Variants in SNAP47 observed in about 807,000 individuals in gnomAD.
SNAP47 encodes the protein synaptosomal-associated protein 47.
A neutral mutation model predicts 31.4 loss-of-function variants in SNAP47; 20 were observed. The observed-to-expected ratio is 0.64, with a 90% CI of 0.45 to 0.93. The LOEUF is 0.93. Ranked by LOEUF, SNAP47 falls within the 40% of genes least tolerant of loss-of-function variation. The pLI, the probability that SNAP47 is intolerant of heterozygous loss-of-function variation, is 0.00. For synonymous variants in SNAP47, 194 were observed against 213.4 expected (o/e 0.91, Z 0.79); for missense variants, 492 against 528.5 (o/e 0.93, Z 0.68).
chr1:227,740,073 G>A (rs1050757253), intron 1 of SNAP47, among the ~76,000 whole-genome samples: 3 of 152,244 alleles, frequency 2.0e-5, no homozygotes, highest in Admixed American at 2.0e-4. Context: ...TCCCATGATA[G>A]TGCCTTCTGT....
chr1:227,737,843 T>A (rs1275345017), intron 1 of SNAP47, among the ~76,000 whole-genome samples: 1 of 152,096 alleles, frequency 6.6e-6, no homozygotes, highest in African/African-American at 2.4e-5. Flanking sequence ...CGTGCTATGG[T>A]CCCTTCCTAG....
chr1:227,780,736 G>A lies in SNAP47; in HGVS notation c.*63G>A, dbSNP rs374659041. On this transcript the variant is annotated 3_prime_UTR_variant, in exon 5 of 5. Transcript: ENST00000617596. The stretch of plus-strand genomic sequence containing the variant: ...ATCCCGCTGAGATGGAGGGCTGGGC[G>A]GCAGTGCCAGGGCTGCAGAGGCCTG... The A allele has an allele frequency of 2.9e-5, 46 of 1,600,002 alleles. No individual in the cohort carries two copies. Among genetic ancestry groups the A allele is most frequent in the South Asian group, 1.3e-4 (12 of 89,280 alleles).
rs943855487 is a variant in SNAP47, at chr1:227,759,365, G to A, written c.868G>A (p.Val290Ile). ...TTTGATATCTGCCAAGATGCCAGAG[G>A]TTATCCCCATTTTAGAAGTGCAGTT... ...YRLISAKMPEVIPILEVQFSK... is the reference protein window; with the variant it reads ...YRLISAKMPEIIPILEVQFSK... Residue 290 changes from valine to isoleucine, a missense_variant, in exon 3 of 5, where the codon GTT (valine) becomes ATT (isoleucine). Val to Ile is a conservative substitution (Grantham distance 29). Coordinates refer to ENST00000617596, the MANE Select transcript of SNAP47 (RefSeq NM_053052.4). 1.2e-6 allele frequency: 2 copies of A among 1,614,106 alleles called. No individual in the cohort carries two copies. Among genetic ancestry groups the A allele is most frequent in the African/African-American group, 2.7e-5 (2 of 74,936 alleles).
intron 2 of SNAP47, among the ~76,000 whole-genome samples, chr1:227,750,735 G>A (rs1283980532): frequency 6.6e-6 from 1 of 152,224 alleles, no homozygotes; most frequent in Non-Finnish European, 1.5e-5. Context: ...GGTCCTGGAG[G>A]GGAGGCTGTG....
upstream of SNAP47, chr1:227,735,030 G>A: frequency 6.4e-7 from 1 of 1,551,322 alleles, no homozygotes; most frequent in Non-Finnish European, 8.7e-7. Context: ...CGTAGCAGGT[G>A]GTCGAAGTCG....
At chr1:227,776,793 T>A in intron 4 of SNAP47, 6 of 985,502 alleles carry the variant, frequency 6.1e-6, no homozygotes, top group Non-Finnish European at 7.2e-6. Context: ...GTTTTTGCAC[T>A]ATTAATTAAC....
chr1:227,768,441 A>T, intron 4 of SNAP47: 5 of 470,230 alleles, frequency 1.1e-5, no homozygotes, highest in Non-Finnish European at 1.4e-5. Flanking sequence ...CATGTCCACC[A>T]GGAGGTGGAT....
At chr1:227,760,199 G>A (rs1662974899) in intron 3 of SNAP47, among the ~76,000 whole-genome samples, 1 of 152,244 alleles carries the variant, frequency 6.6e-6, no homozygotes, top group Non-Finnish European at 1.5e-5. Flanking sequence ...GGAAGCTCCT[G>A]CTGTTGTCTC....
chr1:227,762,275 G>A lies in SNAP47; in HGVS notation c.988+2790G>A, dbSNP rs1663110659. 6.6e-6 allele frequency among the ~76,000 whole-genome samples: 1 copy of A among 152,204 alleles called. No individual in the cohort carries two copies. The highest frequency in any genetic ancestry group is 2.4e-5 in the African/African-American group (1 of 41,450). On this transcript the variant is annotated intron_variant, in intron 3 of 4. Transcript: ENST00000617596. The surrounding 1 kb of genome is among the most constrained non-coding windows in gnomAD (Gnocchi z 4.2). ...GTCCAGGTAAGTGCTGGTCTCATGG[G>A]GGCAGCTGTGCCTCCAGAGGGTGTT... is the stretch of plus-strand genomic sequence containing the variant.
chr1:227,767,616 G>T (rs1271088205), intron 4 of SNAP47, among the ~76,000 whole-genome samples: 4 of 152,042 alleles, frequency 2.6e-5, no homozygotes, highest in Non-Finnish European at 5.9e-5. Context: ...TGTGTTGCAT[G>T]TACTATGCAT....
In SNAP47 at chr1:227,748,160, C is replaced by T. The variant is rs745789194; in HGVS notation, c.424C>T (p.His142Tyr). 2 of 1,613,100 alleles carry T rather than the reference C, an allele frequency of 1.2e-6. No homozygotes were observed. Among genetic ancestry groups the T allele is most frequent in the East Asian group, 4.5e-5 (2 of 44,860 alleles). The change falls in exon 2 of 5, where the codon CAC becomes TAC. Residue 142 changes from histidine to tyrosine, a missense_variant. Transcript: ENST00000617596. ...GGAGGACACGGCGAGGGTCCTGCAC[C>T]ACCAGGGCCAGCAGCTGGACAGCGT... is the stretch of plus-strand genomic sequence containing the variant. ...RLEDTARVLH[H>Y]QGQQLDSVMR... is the part of the protein sequence containing the mutation.
At chr1:227,735,866 C>G (rs1661105168) in intron 1 of SNAP47, 1 of 343,624 alleles carries the variant, frequency 2.9e-6, no homozygotes. Flanking sequence ...CTGGAGGGGA[C>G]GGTGGGACCT....
At chr1:227,729,052 G>A (rs999714303) in intron 1 of SNAP47, among the ~76,000 whole-genome samples, 2 of 152,260 alleles carry the variant, frequency 1.3e-5, no homozygotes, top group Non-Finnish European at 2.9e-5. Context: ...CCCAGGTGGG[G>A]TCTATCTGGG....
At position 227,763,322 on chromosome 1, in the gene SNAP47, G is replaced by C; in HGVS notation, c.989-3637G>C. ...TTGTCACTCACTGCCTGTCTTGGGG[G>C]TAAGGCCTGCCTGGGCTTCCAGCTC... is the stretch of plus-strand genomic sequence containing the variant. On this transcript the variant is annotated intron_variant, in intron 3 of 4. Transcript: ENST00000617596. This position sits in a 1 kb window ranked among gnomAD's most constrained non-coding sequence, Gnocchi z 4.2. Among the ~76,000 whole-genome samples the C allele has an allele frequency of 6.6e-6, 1 of 152,146 alleles. No homozygotes were observed. Among genetic ancestry groups the C allele is most frequent in the East Asian group, 1.9e-4 (1 of 5,190 alleles).
At chr1:227,771,932 G>A (rs1263729376) in intron 4 of SNAP47, among the ~76,000 whole-genome samples, 4 of 152,120 alleles carry the variant, frequency 2.6e-5, no homozygotes, top group African/African-American at 4.8e-5. Context: ...GCTGAGGGCC[G>A]GAGGCCAGCA....
chr1:227,733,931 A>T, upstream of SNAP47: 1 of 1,613,874 alleles, frequency 6.2e-7, no homozygotes, highest in Non-Finnish European at 8.5e-7. Context: ...CCCCGCGTAG[A>T]CAAAGCGGTA....
At chr1:227,766,927 A>T (rs778864535) in intron 3 of SNAP47, 32 bp from the exon 4 acceptor site, 33 of 1,611,166 alleles carry the variant, frequency 2.0e-5, no homozygotes, top group Non-Finnish European at 2.7e-5. Context: ...ACTCCGAGAG[A>T]TGTCACTGCT....
intron 4 of SNAP47, among the ~76,000 whole-genome samples, chr1:227,772,663 C>T (rs974038050): frequency 1.3e-5 from 2 of 152,126 alleles, no homozygotes; most frequent in Non-Finnish European, 2.9e-5. Flanking sequence ...AGCTTTACCC[C>T]CATGTTTTCT....
intron 4 of SNAP47, among the ~76,000 whole-genome samples, chr1:227,771,887 G>A (rs1327649802): frequency 6.6e-6 from 1 of 152,178 alleles, no homozygotes; most frequent in Non-Finnish European, 1.5e-5. Flanking sequence ...AACTACCGGT[G>A]CAAAGGGCCT....
Sources: allele counts gnomAD v4.1 joint callset (sites outside exome capture counted in the v4.1 genomes callset), GRCh38; gene constraint gnomAD v4.1.1; non-coding constraint Gnocchi (gnomAD v3.1); transcripts MANE v1.5; gene names NCBI Gene and HGNC (gene_info 2026-07-23, HGNC 2026-07-21).